The following SH3BP4 variants were observed in gnomAD, a reference collection of about 807,000 sequenced individuals.
SH3BP4 encodes SH3 domain-binding protein 4.
A neutral mutation model predicts 65.5 loss-of-function variants in SH3BP4; 33 were observed. That is an observed-to-expected ratio of 0.50 (90% CI 0.38 to 0.67). SH3BP4 has a LOEUF of 0.67. Ranked by LOEUF, SH3BP4 falls within the 30% of genes least tolerant of loss-of-function variation. SH3BP4 has a pLI of 0.00. For missense variants in SH3BP4, 1,134 were observed against 1,261.4 expected (o/e 0.90, Z 1.53); for synonymous variants, 552 against 545.5 (o/e 1.01, Z -0.17).
intron 2 of SH3BP4, among the ~76,000 whole-genome samples, chr2:235,018,342 C>G (rs6745189): frequency 6.6e-6 from 1 of 152,018 alleles, no homozygotes; most frequent in East Asian, 1.9e-4. Context: ...ATTTTAGTCT[C>G]GTGGGGTACG....
chr2:235,042,036 G>A lies in SH3BP4; in HGVS notation c.1267G>A (p.Gly423Arg). 6.2e-7 allele frequency: 1 copy of A among 1,614,056 alleles called. No homozygotes were observed. The highest frequency in any genetic ancestry group is 8.5e-7 in the Non-Finnish European group (1 of 1,180,026). The change falls in exon 4 of 6, where the codon GGG (glycine) becomes AGG (arginine). Residue 423 changes from glycine (G) to arginine (R), a missense_variant. By Grantham distance (125) the Gly-to-Arg change is moderately radical. Coordinates refer to ENST00000392011, the MANE Select transcript of SH3BP4 (RefSeq NM_014521.3). This position sits in a 1 kb window ranked among gnomAD's most constrained non-coding sequence, Gnocchi z 7.3. Reference sequence around the variant, plus strand: ...GTGCCTGAGGAGCGACTCGAAGGAAGGGCCATATGTCTCCGTCCCGCTCAA... The same window carrying A: ...GTGCCTGAGGAGCGACTCGAAGGAAAGGCCATATGTCTCCGTCCCGCTCAA... ...LQCLRSDSKE[G>R]PYVSVPLNCS...
At chr2:234,973,514 G>A (rs1288554603) in intron 1 of SH3BP4, among the ~76,000 whole-genome samples, 2 of 152,178 alleles carry the variant, frequency 1.3e-5, no homozygotes, top group African/African-American at 4.8e-5. Flanking sequence ...CACCTCTTAT[G>A]CAGGAGGCAC....
intron 1 of SH3BP4, among the ~76,000 whole-genome samples, chr2:234,960,036 C>G (rs571637885): frequency 1.3e-5 from 2 of 152,170 alleles, no homozygotes; most frequent in Non-Finnish European, 2.9e-5. Context: ...TTTTTAAATC[C>G]TGCTAACAAT....
At position 235,054,173 on chromosome 2, in the gene SH3BP4, T is replaced by A; in HGVS notation, c.*357T>A. ...AATAGGGGCACAGGCTGTTGAGGTT[T>A]TTATGTTGTTATAGACCTTTTTAAA... is the stretch of plus-strand genomic sequence containing the variant. On this transcript the variant is annotated 3_prime_UTR_variant, in exon 6 of 6. Transcript: ENST00000392011. 1 of 223,564 alleles carries A rather than the reference T, an allele frequency of 4.5e-6. No individual in the cohort carries two copies. Among genetic ancestry groups the A allele is most frequent in the South Asian group, 8.8e-5 (1 of 11,300 alleles). 13.8% of individuals were successfully genotyped at this position (223,564 alleles called of 1,614,324 possible). A position where few individuals can be genotyped will look rare whatever the true frequency, so the allele number is the denominator to read the frequency against.
Position 235,043,302 on chromosome 2 carries a change from C to T in SH3BP4, c.2478+55C>T, listed in dbSNP as rs544662858. The T allele has an allele frequency of 1.9e-4, 278 of 1,436,474 alleles. No individual in the cohort carries two copies. The African/African-American group carries it at 2.5e-3, about 13-fold the overall frequency. 89.0% of individuals were successfully genotyped at this position (1,436,474 alleles called of 1,614,324 possible). On this transcript the variant is annotated intron_variant, in intron 4 of 5. Coordinates refer to ENST00000392011, the MANE Select transcript of SH3BP4 (RefSeq NM_014521.3). ...AGGGGTGCTGCTCAGCAAAGCCTTTCCGCCTTCCCAGTGCACATGGGCGTG... is the reference window on the plus strand; with the variant it reads ...AGGGGTGCTGCTCAGCAAAGCCTTTTCGCCTTCCCAGTGCACATGGGCGTG...
intron 1 of SH3BP4, among the ~76,000 whole-genome samples, chr2:234,958,899 C>G (rs767676434): frequency 1.5e-4 from 23 of 151,916 alleles, no homozygotes; most frequent in Non-Finnish European, 2.6e-4. Context: ...GGTGTGGAGA[C>G]AGGGCAGGAG....
intron 1 of SH3BP4, among the ~76,000 whole-genome samples, chr2:234,988,861 C>T (rs1033345272): frequency 1.2e-4 from 18 of 152,160 alleles, no homozygotes; most frequent in South Asian, 2.1e-4. Flanking sequence ...TTCCGTATCA[C>T]ATTCTCTGTA....
intron 2 of SH3BP4, among the ~76,000 whole-genome samples, chr2:235,014,238 C>T (rs891057256): frequency 6.6e-6 from 1 of 152,154 alleles, no homozygotes; most frequent in African/African-American, 2.4e-5. Flanking sequence ...CAGGATCGGG[C>T]GATGCCGGAT....
intron 3 of SH3BP4, among the ~76,000 whole-genome samples, chr2:235,040,431 T>C (rs1396458942): frequency 1.3e-5 from 2 of 151,800 alleles, no homozygotes; most frequent in African/African-American, 4.8e-5. Flanking sequence ...CGGGAGTTTT[T>C]GGAATCTGTT....
chr2:235,036,287 G>A (rs1695375907), intron 3 of SH3BP4, among the ~76,000 whole-genome samples: 1 of 152,210 alleles, frequency 6.6e-6, no homozygotes, highest in Non-Finnish European at 1.5e-5. Context: ...GTGATTGGGT[G>A]TTGCCATAAA....
intron 2 of SH3BP4, among the ~76,000 whole-genome samples, chr2:235,025,393 T>C (rs554171172): frequency 1.3e-5 from 2 of 152,172 alleles, no homozygotes; most frequent in Admixed American, 6.5e-5. Flanking sequence ...ATTGGTTTCA[T>C]GTGTGTGTCT....
chr2:234,976,168 G>A lies in SH3BP4; in HGVS notation c.-206-19135G>A, dbSNP rs1039870147. ...GTGACCCCTGTGGAGGACTCCTGCG[G>A]ATTCCCCATCTACCCATGAAGAGCG... On this transcript the variant is annotated intron_variant, in intron 1 of 5. Coordinates refer to ENST00000392011, the MANE Select transcript of SH3BP4 (RefSeq NM_014521.3). The surrounding 1 kb of genome is among the most constrained non-coding windows in gnomAD (Gnocchi z 4.7). Among the ~76,000 whole-genome samples the A allele has an allele frequency of 8.5e-5, 13 of 152,128 alleles. No individual in the cohort carries two copies. The highest frequency in any genetic ancestry group is 3.1e-4 in the African/African-American group (13 of 41,438).
chr2:235,030,935 A>G lies in SH3BP4; in HGVS notation c.-132-3936A>G, dbSNP rs1269352314. 2.0e-5 allele frequency among the ~76,000 whole-genome samples: 3 copies of G among 152,090 alleles called. No homozygotes were observed. The highest frequency in any genetic ancestry group is 2.9e-5 in the Non-Finnish European group (2 of 67,994). On this transcript the variant is annotated intron_variant, in intron 2 of 5. Transcript: ENST00000392011. The surrounding 1 kb of genome is among the most constrained non-coding windows in gnomAD (Gnocchi z 4.1). ...GGCCCCAAGGGTGCGGACAGGGGGC[A>G]CCTCTGTTACTCACCCCTGAATGTC...
intron 1 of SH3BP4, chr2:234,980,048 G>C (rs1227085690): frequency 6.6e-6 from 1 of 152,218 alleles, no homozygotes; most frequent in Admixed American, 6.5e-5. Flanking sequence ...CTAATACATA[G>C]TCTTGCAAGA....
chr2:234,953,477 C>T (rs532348662), intron 1 of SH3BP4, among the ~76,000 whole-genome samples: 3 of 152,290 alleles, frequency 2.0e-5, no homozygotes, highest in African/African-American at 7.2e-5. Context: ...AGTCCCCTTC[C>T]CAGTGGGCTG....
intron 2 of SH3BP4, among the ~76,000 whole-genome samples, chr2:235,006,831 G>A (rs1213286628): frequency 2.0e-5 from 3 of 152,170 alleles, no homozygotes; most frequent in Admixed American, 6.5e-5. Flanking sequence ...GGGAGATAAA[G>A]GGAGGGGGAC....
chr2:235,025,045 C>A (rs1445773281), intron 2 of SH3BP4, among the ~76,000 whole-genome samples: 1 of 152,088 alleles, frequency 6.6e-6, no homozygotes, highest in African/African-American at 2.4e-5. Context: ...TATTTCTGGT[C>A]TGGGCTGATC....
At position 235,042,850 on chromosome 2, in the gene SH3BP4, G is replaced by A. The variant is rs781483027; in HGVS notation, c.2081G>A (p.Arg694Gln). 8 of 1,613,742 alleles carry A rather than the reference G, an allele frequency of 5.0e-6. No homozygotes were observed. The highest frequency in any genetic ancestry group is 2.2e-5 in the East Asian group (1 of 44,884). The change falls in exon 4 of 6, where the codon CGG becomes CAG. Residue 694 changes from arginine to glutamine, a missense_variant. By Grantham distance (43) the Arg-to-Gln change is conservative. Coordinates refer to ENST00000392011, the MANE Select transcript of SH3BP4 (RefSeq NM_014521.3). The surrounding 1 kb of genome is among the most constrained non-coding windows in gnomAD (Gnocchi z 7.3). ...ALLSEERVRL[R>Q]GQLWTKEWYI... is the part of the protein sequence containing the mutation. ...CTCAGCGAGGAGCGGGTCAGGCTCC[G>A]GGGCCAGCTGTGGACCAAGGAGTGG...
chr2:235,053,936 C>T lies in SH3BP4; in HGVS notation c.*120C>T, dbSNP rs186859482. 2.3e-5 allele frequency: 18 copies of T among 768,972 alleles called. No individual in the cohort carries two copies. The highest frequency in any genetic ancestry group is 3.7e-4 in the Middle Eastern group (1 of 2,682). 47.6% of individuals were successfully genotyped at this position (768,972 alleles called of 1,614,324 possible). ...CGGCTGCTCAGACAGATTTAGGGCC[C>T]GCCAGCTAGGCTACACCCATCATGC... is the stretch of plus-strand genomic sequence containing the variant. On this transcript the variant is annotated 3_prime_UTR_variant, in exon 6 of 6. Coordinates refer to ENST00000392011, the MANE Select transcript of SH3BP4 (RefSeq NM_014521.3).
Sources: gnomAD v4.1 joint callset for allele counts (sites outside exome capture counted in the v4.1 genomes callset) on GRCh38, gnomAD v4.1.1 for gene constraint, Gnocchi (gnomAD v3.1) non-coding constraint, MANE v1.5 for transcripts, NCBI Gene and HGNC (gene_info 2026-07-23, HGNC 2026-07-21) for gene names.